XPO7: variants seen among roughly 807,000 people sequenced by gnomAD.
XPO7 encodes exportin-7.
Under a neutral mutation model 144.3 loss-of-function variants are expected in XPO7, and 21 were observed. The observed-to-expected ratio is 0.15, with a 90% CI of 0.10 to 0.21. XPO7 has a LOEUF of 0.21. Among genes scored for constraint, XPO7 ranks in the 10% least tolerant of loss-of-function variants. The pLI is 1.00. For synonymous variants in XPO7, 580 were observed against 499.6 expected (o/e 1.16, Z -2.15); for missense variants, 808 against 1,325.8 (o/e 0.61, Z 6.06).
intron 4 of XPO7, among the ~76,000 whole-genome samples, chr8:21,970,991 G>A (rs1812042280): frequency 6.6e-6 from 1 of 152,004 alleles, no homozygotes; most frequent in Non-Finnish European, 1.5e-5. Context: ...TTTCAATCCT[G>A]TAAACTCCAT....
At chr8:21,985,074 G>GC (rs5890018) in intron 12 of XPO7, among the ~76,000 whole-genome samples, 88,450 of 152,068 alleles carry the variant, frequency 0.58, 26,403 homozygotes, top group African/African-American at 0.73. Context: ...TCGCTATGTT[G>GC]CCACGTGGGC....
At chr8:21,960,125 GC>G (rs1811676293) in intron 1 of XPO7, among the ~76,000 whole-genome samples, 1 of 152,232 alleles carries the variant, frequency 6.6e-6, no homozygotes, top group South Asian at 2.1e-4. Flanking sequence ...GAGAGAGCCT[GC>G]CCAGGAAAGC....
chr8:21,971,863 T>C lies in XPO7; in HGVS notation c.427-13T>C. The C allele has an allele frequency of 1.9e-6, 3 of 1,606,570 alleles. No homozygotes were observed. In the South Asian group the frequency reaches 3.3e-5, roughly 18 times the overall value. The stretch of plus-strand genomic sequence containing the variant: ...CATGACAACTCTTTCTACCTTATAC[T>C]TTTTTTAACCAGGATAGTGTTGAAT... On this transcript the variant is annotated splice_polypyrimidine_tract_variant and intron_variant, in intron 4 of 27. Transcript: ENST00000252512.
intron 1 of XPO7, among the ~76,000 whole-genome samples, chr8:21,924,957 G>A (rs951593913): frequency 6.6e-6 from 1 of 152,170 alleles, no homozygotes; most frequent in Non-Finnish European, 1.5e-5. Flanking sequence ...GGAAATACAA[G>A]ATGTGATATT....
intron 1 of XPO7, among the ~76,000 whole-genome samples, chr8:21,944,733 TTCCTAGGCCC>T (rs1021470871): frequency 1.3e-5 from 2 of 152,220 alleles, no homozygotes; most frequent in African/African-American, 4.8e-5. Context: ...GTCTCCGGTT[TTCCTAGGCCC>T]TGCCGCCTTC....
At chr8:21,922,222 A>G (rs566732710) in intron 1 of XPO7, among the ~76,000 whole-genome samples, 40 of 152,314 alleles carry the variant, frequency 2.6e-4, no homozygotes, top group Non-Finnish European at 4.3e-4. Flanking sequence ...TGAGTGTCAT[A>G]TGATTCTCGG....
chr8:21,977,878 A>C, intron 8 of XPO7, 35 bp downstream of exon 8: 2 of 1,574,290 alleles, frequency 1.3e-6, no homozygotes, highest in Non-Finnish European at 1.7e-6. Flanking sequence ...AAGCAAACCT[A>C]TTCATAGAAG....
At chr8:21,980,274 T>C (rs1299540190) in intron 9 of XPO7, 71 bp downstream of exon 9, 5 of 1,491,050 alleles carry the variant, frequency 3.4e-6, no homozygotes, top group East Asian at 2.5e-5. Flanking sequence ...CAGAAGGAAA[T>C]CCATCCCAAG....
Position 21,971,904 on chromosome 8 carries a change from T to C in XPO7, c.455T>C (p.Val152Ala). ...QDSVEYCIIG[V>A]TILSQLTNEI... ...AGTGTTGAATACTGCATCATTGGTGTCACAATTTTATCTCAGCTAACCAAT... is the reference window on the plus strand; with the variant it reads ...AGTGTTGAATACTGCATCATTGGTGCCACAATTTTATCTCAGCTAACCAAT... The change falls in exon 5 of 28, where the codon GTC becomes GCC. Residue 152 changes from valine (V) to alanine (A), a missense_variant. This residue lies in a region of XPO7 where 223 missense variants were observed against 368.8 expected (regional missense o/e 0.60). Coordinates refer to ENST00000252512, the MANE Select transcript of XPO7 (RefSeq NM_015024.5). The C allele has an allele frequency of 6.2e-7, 1 of 1,613,640 alleles. No homozygotes were observed. The highest frequency in any genetic ancestry group is 8.5e-7 in the Non-Finnish European group (1 of 1,179,796).
chr8:21,982,952 C>T, intron 11 of XPO7, 140 bp downstream of exon 11: 1 of 1,075,982 alleles, frequency 9.3e-7, no homozygotes, highest in Non-Finnish European at 1.3e-6. Flanking sequence ...TCTTCCTTGT[C>T]AGCAGAGTAG....
Position 21,999,519 on chromosome 8 carries a change from C to G in XPO7, c.2644-17C>G, listed in dbSNP as rs1395165057. ...CATAGTGCCTAAGCTGATTTTCTTCCTCTTCCTCTCCCACAGGATTACCCC... is the reference window on the plus strand; with the variant it reads ...CATAGTGCCTAAGCTGATTTTCTTCGTCTTCCTCTCCCACAGGATTACCCC... On this transcript the variant is annotated splice_polypyrimidine_tract_variant and intron_variant, in intron 23 of 27. Transcript: ENST00000252512. 2.5e-6 allele frequency: 4 copies of G among 1,613,592 alleles called. No individual in the cohort carries two copies. In the East Asian group the frequency reaches 6.7e-5, roughly 27 times the overall value.
In XPO7 at chr8:21,998,837, G is replaced by A. The variant is rs1813040257; in HGVS notation, c.2428G>A (p.Gly810Ser). Residue 810 changes from glycine to serine, a missense_variant and splice_region_variant, in exon 22 of 28, where the codon GGC becomes AGC. By Grantham distance (56) the Gly-to-Ser change is moderately conservative. Around this residue, in one of 5 missense-constraint regions of XPO7, gnomAD observed 416 missense variants for 612.5 expected, o/e 0.68. Transcript: ENST00000252512. The stretch of plus-strand genomic sequence containing the variant: ...AACCAGCAAGATGATAACAATGTAT[G>A]GTAAGTGCTTCAGATAATCATGCCT... ...RETSKMITMYGNRILTLGEVP... is the reference protein window; with the variant it reads ...RETSKMITMYSNRILTLGEVP... 3 of 1,613,802 alleles carry A rather than the reference G, an allele frequency of 1.9e-6. No homozygotes were observed. Among genetic ancestry groups the A allele is most frequent in the Admixed American group, 3.3e-5 (2 of 60,022 alleles).
At position 22,000,104 on chromosome 8, in the gene XPO7, A is replaced by G. The variant is rs137881990; in HGVS notation, c.2782+430A>G. Among the ~76,000 whole-genome samples, 544 of 152,350 alleles carry G rather than the reference A, an allele frequency of 3.6e-3. 3 individuals are homozygous for G. The highest frequency in any genetic ancestry group is 0.013 in the African/African-American group (529 of 41,578). ...AGACTGGCTGGAAGACTTGGCATCA[A>G]AGCATAAACCTAAAAGCTGGACAGA... On this transcript the variant is annotated intron_variant, in intron 24 of 27. Transcript: ENST00000252512.
intron 5 of XPO7, 130 bp from the exon 6 acceptor site, chr8:21,974,540 T>G (rs1050963428): frequency 1.9e-5 from 12 of 636,124 alleles, no homozygotes; most frequent in Non-Finnish European, 3.2e-5. Context: ...CACAATAATT[T>G]AAATGTTAAA....
At chr8:21,919,871 G>A (rs1810207719) in intron 1 of XPO7, 83 bp downstream of exon 1, 1 of 304,444 alleles carries the variant, frequency 3.3e-6, no homozygotes, top group Non-Finnish European at 6.2e-6. Flanking sequence ...CAGGGCGCCA[G>A]CCGGCTCGGG....
intron 1 of XPO7, among the ~76,000 whole-genome samples, chr8:21,923,986 T>G (rs1333245273): frequency 2.0e-5 from 3 of 152,238 alleles, no homozygotes; most frequent in African/African-American, 7.2e-5. Context: ...GTTAGGAATC[T>G]GGGAGTGGCT....
intron 1 of XPO7, among the ~76,000 whole-genome samples, chr8:21,941,268 C>G (rs936898135): frequency 3.3e-5 from 5 of 152,000 alleles, no homozygotes; most frequent in Admixed American, 2.0e-4. Flanking sequence ...ATCCTCCTAC[C>G]TCGGTCTCCC....
Position 21,919,731 on chromosome 8 carries a change from G to T in XPO7, c.-40G>T, listed in dbSNP as rs955929122. 32 of 383,936 alleles carry T rather than the reference G, an allele frequency of 8.3e-5. No homozygotes were observed. The highest frequency in any genetic ancestry group is 2.6e-4 in the East Asian group (2 of 7,752). 23.8% of individuals were successfully genotyped at this position (383,936 alleles called of 1,614,324 possible). A position where few individuals can be genotyped will look rare whatever the true frequency, so the allele number is the denominator to read the frequency against. On this transcript the variant is annotated 5_prime_UTR_variant, in exon 1 of 28. Transcript: ENST00000252512. ...GCGGCTCCGGCCGAGGTGCGCGCTG[G>T]GGGGGAGGGGGGGCCGGAGAGGAGC...
intron 1 of XPO7, among the ~76,000 whole-genome samples, chr8:21,955,480 G>A (rs755651458): frequency 6.6e-6 from 1 of 152,162 alleles, no homozygotes. Flanking sequence ...TCTCATCCAG[G>A]TATTCTGTCC....
Sources: gnomAD v4.1 joint callset for allele counts (sites outside exome capture counted in the v4.1 genomes callset) on GRCh38, gnomAD v4.1.1 for gene constraint, gnomAD v4.1.1 regional missense constraint, MANE v1.5 for transcripts, NCBI Gene and HGNC (gene_info 2026-07-23, HGNC 2026-07-21) for gene names.